The following UTRN variants were observed in gnomAD, a reference collection of about 807,000 sequenced individuals.
The protein encoded by UTRN is utrophin, also known as dystrophin-related protein 1.
Under a neutral mutation model 463.9 loss-of-function variants are expected in UTRN, and 283 were observed. The observed-to-expected ratio is 0.61, with a 90% CI of 0.55 to 0.67. UTRN has a LOEUF of 0.67. Ranked by LOEUF, UTRN falls within the 30% of genes least tolerant of loss-of-function variation. The probability of loss-of-function intolerance (pLI) is 0.00; values close to 1 mark genes in which losing one functional copy is unlikely to be tolerated. For missense variants in UTRN, 3,922 were observed against 4,084.3 expected (o/e 0.96, Z 1.08); for synonymous variants, 1,442 against 1,431.5 (o/e 1.01, Z -0.17).
chr6:144,298,203 A>C (rs952976055), intron 2 of UTRN, among the ~76,000 whole-genome samples: 1 of 152,214 alleles, frequency 6.6e-6, no homozygotes, highest in African/African-American at 2.4e-5. Flanking sequence ...TTTAATAATA[A>C]ATAGACTTAT....
rs149729194 is a variant in UTRN at position 144,752,197 on chromosome 6, G to C, written c.8355+245G>C. Among the ~76,000 whole-genome samples, 170 of 152,198 alleles carry C rather than the reference G, an allele frequency of 1.1e-3. 2 individuals are homozygous for C. In the East Asian group the frequency reaches 0.029, roughly 26 times the overall value. On this transcript the variant is annotated intron_variant, in intron 56 of 74. Coordinates refer to ENST00000367545, the MANE Select transcript of UTRN (RefSeq NM_007124.3). Reference sequence around the variant, plus strand: ...ATGATATTTGTAGAAAATTGCAAAAGGTTAAATAAATCACAGTAATTGAAA... The same window carrying C: ...ATGATATTTGTAGAAAATTGCAAAACGTTAAATAAATCACAGTAATTGAAA...
intron 2 of UTRN, among the ~76,000 whole-genome samples, chr6:144,334,431 T>C (rs994539822): frequency 2.7e-5 from 4 of 149,352 alleles, no homozygotes; most frequent in African/African-American, 1.0e-4. Flanking sequence ...GGAGTGGTAG[T>C]GTTGCGTCAC....
chr6:144,727,857 A>C (rs1271052749), intron 53 of UTRN, among the ~76,000 whole-genome samples: 1 of 152,164 alleles, frequency 6.6e-6, no homozygotes, highest in Non-Finnish European at 1.5e-5. Context: ...TGGGAGGCCA[A>C]GGCAGGTGGA....
intron 51 of UTRN, among the ~76,000 whole-genome samples, chr6:144,627,592 C>A (rs12210995): frequency 0.039 from 5,978 of 152,130 alleles, 154 homozygotes; most frequent in Non-Finnish European, 0.06. Context: ...AACTCTGTTC[C>A]CATTAAACAG....
intron 1 of UTRN, among the ~76,000 whole-genome samples, chr6:144,290,662 AGGTTC>A (rs1804142720): frequency 6.6e-6 from 1 of 150,472 alleles, no homozygotes; most frequent in African/African-American, 2.4e-5. Flanking sequence ...CCCATGAGCT[AGGTTC>A]CTTAATTTGC....
At chr6:144,308,503 G>A (rs1805956315) in intron 2 of UTRN, among the ~76,000 whole-genome samples, 1 of 151,954 alleles carries the variant, frequency 6.6e-6, no homozygotes, top group African/African-American at 2.4e-5. Context: ...ATGTTGCCCA[G>A]GCTGGTCTCA....
At chr6:144,361,399 G>A (rs1779064826) in intron 2 of UTRN, among the ~76,000 whole-genome samples, 1 of 152,080 alleles carries the variant, frequency 6.6e-6, no homozygotes, top group Admixed American at 6.6e-5. Flanking sequence ...AGCTTGGCAG[G>A]CAGGGAAATA....
chr6:144,550,594 A>G (rs569413943), intron 47 of UTRN, among the ~76,000 whole-genome samples: 15 of 152,346 alleles, frequency 9.8e-5, no homozygotes, highest in Admixed American at 8.5e-4. Context: ...TATGCAAGTC[A>G]TCATCAGCAG....
chr6:144,287,053 G>T (rs1408074870), intron 1 of UTRN, among the ~76,000 whole-genome samples: 6 of 151,952 alleles, frequency 3.9e-5, no homozygotes, highest in Non-Finnish European at 7.4e-5. Flanking sequence ...GGCAGCGACC[G>T]CATCCATTCC....
intron 2 of UTRN, among the ~76,000 whole-genome samples, chr6:144,321,192 A>G (rs1255937588): frequency 6.6e-6 from 1 of 151,052 alleles, no homozygotes; most frequent in Non-Finnish European, 1.5e-5. Flanking sequence ...GCCACTATTT[A>G]ACCGTTTTAC....
chr6:144,849,150 T>A (rs114069959), intron 74 of UTRN, among the ~76,000 whole-genome samples: 324 of 152,198 alleles, frequency 2.1e-3, no homozygotes, highest in African/African-American at 7.6e-3. Flanking sequence ...ACAGGCCACA[T>A]GACCTATAGG....
intron 2 of UTRN, among the ~76,000 whole-genome samples, chr6:144,371,349 C>T (rs1779967915): frequency 6.6e-6 from 1 of 152,048 alleles, no homozygotes; most frequent in South Asian, 2.1e-4. Flanking sequence ...CCATTATTTA[C>T]CATGAACCTA....
intron 2 of UTRN, among the ~76,000 whole-genome samples, chr6:144,313,355 GAA>G (rs111286897): frequency 8.1e-5 from 10 of 123,510 alleles, no homozygotes; most frequent in African/African-American, 8.6e-5. Context: ...TTCTGATACT[GAA>G]AAAAAAAAAA....
chr6:144,413,730 T>C (rs1279937973), intron 3 of UTRN, among the ~76,000 whole-genome samples: 1 of 152,226 alleles, frequency 6.6e-6, no homozygotes, highest in Admixed American at 6.5e-5. Context: ...TTATGTACAG[T>C]ACATAATACT....
chr6:144,680,333 AT>A (rs576339134), intron 52 of UTRN, among the ~76,000 whole-genome samples: 5 of 151,166 alleles, frequency 3.3e-5, no homozygotes, highest in Non-Finnish European at 5.9e-5. Flanking sequence ...ATCATGACAC[AT>A]TTTTTTTTAA....
intron 50 of UTRN, among the ~76,000 whole-genome samples, chr6:144,567,493 G>T (rs1483047851): frequency 6.6e-6 from 1 of 152,112 alleles, no homozygotes; most frequent in Non-Finnish European, 1.5e-5. Context: ...GCTCCTTTGG[G>T]TTCACAAGGC....
chr6:144,727,962 C>T (rs1382557173), intron 53 of UTRN, among the ~76,000 whole-genome samples: 2 of 151,188 alleles, frequency 1.3e-5, no homozygotes, highest in African/African-American at 4.9e-5. Context: ...TAGCTGGGTG[C>T]AGTGGCAGGC....
At chr6:144,654,372 C>T (rs1298816678) in intron 51 of UTRN, among the ~76,000 whole-genome samples, 1 of 152,160 alleles carries the variant, frequency 6.6e-6, no homozygotes, top group Non-Finnish European at 1.5e-5. Flanking sequence ...TTTGAACTTC[C>T]TCTGTGTTTA....
At chr6:144,343,363 A>AACACAC (rs3061626) in intron 2 of UTRN, among the ~76,000 whole-genome samples, 4,093 of 135,342 alleles carry the variant, frequency 0.03, 142 homozygotes, top group African/African-American at 0.081. Flanking sequence ...GTCTCTACTA[A>AACACAC]ACACACACAC....
Sources: allele counts gnomAD v4.1 joint callset (sites outside exome capture counted in the v4.1 genomes callset), GRCh38; gene constraint gnomAD v4.1.1; transcripts MANE v1.5; gene names NCBI Gene and HGNC (gene_info 2026-07-23, HGNC 2026-07-21).